The following ATP13A5 variants were observed in gnomAD, a reference collection of about 807,000 sequenced individuals.
ATP13A5 encodes ATPase 13A5, also known as probable cation-transporting ATPase 13A5.
In ATP13A5, 149 loss-of-function variants were observed where a neutral mutation model predicts 150.2. That is an observed-to-expected ratio of 0.99 (90% CI 0.87 to 1.14). The LOEUF (loss-of-function observed/expected upper bound fraction) is 1.14, where lower values mean the gene tolerates loss of function less well. Ranked by LOEUF, ATP13A5 falls within the 50% of genes most tolerant of loss-of-function variation. ATP13A5 has a pLI of 0.00. For synonymous variants in ATP13A5, 497 were observed against 522.2 expected (o/e 0.95, Z 0.66); for missense variants, 1,383 against 1,449.3 (o/e 0.95, Z 0.74).
chr3:193,276,724 T>C, intron 29 of ATP13A5, 26 bp downstream of exon 29: 1 of 1,509,788 alleles, frequency 6.6e-7, no homozygotes. Flanking sequence ...TTTATCTTCC[T>C]AGAAAAAATA....
chr3:193,349,324 G>A (rs2108889278), intron 7 of ATP13A5, among the ~76,000 whole-genome samples: 1 of 152,280 alleles, frequency 6.6e-6, no homozygotes, highest in South Asian at 2.1e-4. Context: ...ATTAGCCACT[G>A]TTTTGAACAA....
chr3:193,322,625 A>C (rs1351399142), intron 14 of ATP13A5, 51 bp from the exon 15 acceptor site: 1 of 1,275,706 alleles, frequency 7.8e-7, no homozygotes, highest in Non-Finnish European at 1.1e-6. Flanking sequence ...AAATATTAAG[A>C]AAGAAATATC....
chr3:193,277,059 G>A (rs916781120), intron 28 of ATP13A5, among the ~76,000 whole-genome samples: 1 of 152,146 alleles, frequency 6.6e-6, no homozygotes, highest in African/African-American at 2.4e-5. Context: ...ACCTTTGACA[G>A]CCTCATGGTG....
intron 15 of ATP13A5, 78 bp downstream of exon 15, chr3:193,322,413 T>C: frequency 8.6e-7 from 1 of 1,159,330 alleles, no homozygotes. Context: ...AATAGGACTA[T>C]AAAAATATGT....
Position 193,333,843 on chromosome 3 carries a change from T to C in ATP13A5, c.1179A>G (p.Lys393=). The C allele has an allele frequency of 6.2e-7, 1 of 1,613,940 alleles. No individual in the cohort carries two copies. Among genetic ancestry groups the C allele is most frequent in the Non-Finnish European group, 8.5e-7 (1 of 1,179,894 alleles). ...SILYPRPLNF[K]LYSDAFKFIV... ...TGAACTTGAAGGCATCGCTGTATAG[T>C]TTGAAGTTCAGAGGCCGGGGGTACA... is the stretch of plus-strand genomic sequence containing the variant. The change falls in exon 11 of 30, where the codon AAA becomes AAG. Residue 393 remains lysine (K), a synonymous_variant. Transcript: ENST00000342358.
chr3:193,340,846 C>T (rs1260963232), intron 9 of ATP13A5, among the ~76,000 whole-genome samples: 2 of 152,148 alleles, frequency 1.3e-5, no homozygotes, highest in African/African-American at 2.4e-5. Context: ...ACTAGAATAT[C>T]AGCTCCACAA....
intron 7 of ATP13A5, among the ~76,000 whole-genome samples, chr3:193,349,155 T>C (rs1256441513): frequency 6.6e-6 from 1 of 152,224 alleles, no homozygotes; most frequent in Admixed American, 6.5e-5. Context: ...GGAAACTGGC[T>C]CATTTTGTGG....
intron 16 of ATP13A5, among the ~76,000 whole-genome samples, chr3:193,320,754 A>G (rs1255125552): frequency 6.6e-6 from 1 of 152,226 alleles, no homozygotes; most frequent in Non-Finnish European, 1.5e-5. Context: ...TCGGAAGACA[A>G]AAAGACCAAT....
intron 1 of ATP13A5, among the ~76,000 whole-genome samples, chr3:193,375,714 G>C (rs1456503744): frequency 1.3e-5 from 2 of 152,146 alleles, no homozygotes; most frequent in Non-Finnish European, 2.9e-5. Context: ...CCATGCCCAG[G>C]ACAGTAAGCA....
At chr3:193,309,702 T>G (rs1718765413) in intron 21 of ATP13A5, among the ~76,000 whole-genome samples, 1 of 152,162 alleles carries the variant, frequency 6.6e-6, no homozygotes. Context: ...CCTTATGCAA[T>G]GGCCCCTGTC....
chr3:193,288,716 T>C (rs1717824715), intron 26 of ATP13A5, among the ~76,000 whole-genome samples: 1 of 152,100 alleles, frequency 6.6e-6, no homozygotes. Flanking sequence ...AGGCCTGTAG[T>C]AGATGTTCCA....
intron 27 of ATP13A5, among the ~76,000 whole-genome samples, chr3:193,279,749 G>A (rs557535442): frequency 2.0e-5 from 3 of 152,128 alleles, no homozygotes; most frequent in South Asian, 4.2e-4. Context: ...TTGTGCTTGC[G>A]TGGGATAAAC....
intron 1 of ATP13A5, among the ~76,000 whole-genome samples, chr3:193,364,989 C>A (rs1221044457): frequency 6.6e-6 from 1 of 152,072 alleles, no homozygotes; most frequent in African/African-American, 2.4e-5. Context: ...GGAAAAATTG[C>A]CAAACAATAG....
At chr3:193,318,942 A>C in intron 17 of ATP13A5, 49 bp downstream of exon 17, 2 of 1,341,936 alleles carry the variant, frequency 1.5e-6, no homozygotes, top group Non-Finnish European at 2.1e-6. Flanking sequence ...CAGGACTCGC[A>C]CTTCATGGGC....
intron 29 of ATP13A5, among the ~76,000 whole-genome samples, chr3:193,276,304 G>A (rs921885738): frequency 6.6e-5 from 10 of 152,256 alleles, no homozygotes; most frequent in East Asian, 1.9e-4. Flanking sequence ...AAGAAACACC[G>A]TAAGAGGAAG....
chr3:193,341,657 C>T (rs144612792), intron 9 of ATP13A5, among the ~76,000 whole-genome samples: 1 of 152,234 alleles, frequency 6.6e-6, no homozygotes, highest in African/African-American at 2.4e-5. Flanking sequence ...TCTTGCACAT[C>T]TTAGGACAGT....
intron 1 of ATP13A5, among the ~76,000 whole-genome samples, chr3:193,370,362 G>T (rs556141374): frequency 7.2e-4 from 109 of 152,124 alleles, no homozygotes; most frequent in Non-Finnish European, 1.4e-3. Flanking sequence ...TCTCACTTCT[G>T]CCCTTTGCTC....
At chr3:193,295,635 C>T (rs1718138446) in intron 25 of ATP13A5, among the ~76,000 whole-genome samples, 1 of 152,110 alleles carries the variant, frequency 6.6e-6, no homozygotes, top group Admixed American at 6.6e-5. Context: ...TTGAATGGTG[C>T]TTCTCTTGTC....
chr3:193,305,762 T>C, intron 22 of ATP13A5, 94 bp from the exon 23 acceptor site: 1 of 1,051,554 alleles, frequency 9.5e-7, no homozygotes. Flanking sequence ...CATAAAGGTA[T>C]AACACTGTAC....
Sources: allele counts gnomAD v4.1 joint callset (sites outside exome capture counted in the v4.1 genomes callset), GRCh38; gene constraint gnomAD v4.1.1; transcripts MANE v1.5; gene names NCBI Gene and HGNC (gene_info 2026-07-23, HGNC 2026-07-21).